RIMS1: variants seen among roughly 807,000 people sequenced by gnomAD.
The protein encoded by RIMS1 is regulating synaptic membrane exocytosis 1, also known as regulating synaptic membrane exocytosis protein 1.
In RIMS1, 83 loss-of-function variants were observed where a neutral mutation model predicts 214.1. That is an observed-to-expected ratio of 0.39 (90% CI 0.32 to 0.47). The LOEUF is 0.47. Among genes scored for constraint, RIMS1 ranks in the 20% least tolerant of loss-of-function variants. The pLI is 0.99. For missense variants in RIMS1, 2,050 were observed against 2,161.8 expected, an observed-to-expected ratio of 0.95 and a Z score of 1.03; for synonymous variants, 793 against 786.8, an observed-to-expected ratio of 1.01 and a Z score of -0.13.
intron 4 of RIMS1, among the ~76,000 whole-genome samples, chr6:72,100,586 A>G (rs990769281): frequency 1.6e-5 from 2 of 128,636 alleles, no homozygotes; most frequent in African/African-American, 2.6e-5. Context: ...CTGGGAAGAT[A>G]GGCTCCAAGT....
chr6:72,273,111 C>T, intron 22 of RIMS1, among the ~76,000 whole-genome samples: 1 of 152,172 alleles, frequency 6.6e-6, no homozygotes, highest in African/African-American at 2.4e-5. Flanking sequence ...CCAAGTTTGT[C>T]TATTTAAGAT....
chr6:71,944,269 T>G (rs1222736603), intron 1 of RIMS1, among the ~76,000 whole-genome samples: 1 of 152,218 alleles, frequency 6.6e-6, no homozygotes, highest in Non-Finnish European at 1.5e-5. Flanking sequence ...TTAAGACTTG[T>G]AAGTGAATGC....
chr6:72,262,243 T>C, intron 19 of RIMS1: 1 of 793,346 alleles, frequency 1.3e-6, no homozygotes, highest in Non-Finnish European at 1.5e-6. Flanking sequence ...ATATAATAGT[T>C]GCATCATTTT....
rs181906088 is a variant in RIMS1, at chr6:72,216,885, G to A, written c.1679-16888G>A. The A allele has an allele frequency of 7.2e-5, 78 of 1,082,686 alleles. No homozygotes were observed. In the East Asian group the frequency reaches 3.0e-3, roughly 41 times the overall value. 67.1% of individuals were successfully genotyped at this position (1,082,686 alleles called of 1,614,324 possible). Reference sequence around the variant, plus strand: ...AGCTTTAGTGTATGCTACACTGGGAGCCACTTTAGTACAGCACAGAGCACT... The same window carrying A: ...AGCTTTAGTGTATGCTACACTGGGAACCACTTTAGTACAGCACAGAGCACT... On this transcript the variant is annotated intron_variant, in intron 6 of 33. Coordinates refer to ENST00000521978, the MANE Select transcript of RIMS1 (RefSeq NM_014989.7).
At chr6:71,989,535 A>G (rs1584291715) in intron 2 of RIMS1, among the ~76,000 whole-genome samples, 1 of 152,338 alleles carries the variant, frequency 6.6e-6, no homozygotes, top group East Asian at 1.9e-4. Flanking sequence ...AATTTGTCTC[A>G]TCTCAAAGCA....
rs181283371 is a variant in RIMS1 at position 72,312,315 on chromosome 6, A to G, written c.3964-1191A>G. The stretch of plus-strand genomic sequence containing the variant: ...ACACCCATATGTTATTTTGTTTTAC[A>G]GAAGAAGTTATAGTATCTTACCTTC... On this transcript the variant is annotated intron_variant, in intron 27 of 33. Transcript: ENST00000521978. 1.4e-4 allele frequency among the ~76,000 whole-genome samples: 21 copies of G among 152,286 alleles called. 1 individual carries two copies. In the East Asian group the frequency reaches 3.7e-3, roughly 27 times the overall value.
intron 10 of RIMS1, among the ~76,000 whole-genome samples, chr6:72,242,644 C>CT: frequency 6.6e-6 from 1 of 151,880 alleles, no homozygotes; most frequent in South Asian, 2.1e-4. Context: ...AAGCTCCACA[C>CT]TTTAACAATT....
At chr6:72,367,075 A>C (rs1031742778) in intron 29 of RIMS1, among the ~76,000 whole-genome samples, 8 of 152,258 alleles carry the variant, frequency 5.3e-5, no homozygotes, top group Non-Finnish European at 1.2e-4. Flanking sequence ...AGTGGACGAA[A>C]TAATTAAAAA....
chr6:72,066,571 A>G (rs1426780135), intron 2 of RIMS1, among the ~76,000 whole-genome samples: 1 of 152,098 alleles, frequency 6.6e-6, no homozygotes, highest in Non-Finnish European at 1.5e-5. Flanking sequence ...CCTGTGCTCA[A>G]AAGCAAATTA....
chr6:72,020,877 T>C (rs1285940609), intron 2 of RIMS1, among the ~76,000 whole-genome samples: 4 of 152,196 alleles, frequency 2.6e-5, no homozygotes, highest in Non-Finnish European at 1.5e-5. Context: ...TGAGCATTCT[T>C]TTCTGAAACT....
chr6:71,898,398 T>C (rs1772535133), intron 1 of RIMS1, among the ~76,000 whole-genome samples: 1 of 152,166 alleles, frequency 6.6e-6, no homozygotes, highest in Non-Finnish European at 1.5e-5. Context: ...AAGGAAGGTA[T>C]CTTATATTAA....
intron 28 of RIMS1, among the ~76,000 whole-genome samples, chr6:72,331,655 C>G (rs1253205570): frequency 3.3e-5 from 5 of 151,746 alleles, no homozygotes; most frequent in Non-Finnish European, 7.4e-5. Flanking sequence ...GAAAGAAAGT[C>G]TCCTGGAGTT....
At chr6:72,011,088 G>A (rs191821915) in intron 2 of RIMS1, among the ~76,000 whole-genome samples, 160 of 152,264 alleles carry the variant, frequency 1.1e-3, no homozygotes, top group Non-Finnish European at 1.6e-3. Context: ...ATACTTCAAG[G>A]CTGCAGTAAC....
chr6:71,944,044 C>T (rs140223688), intron 1 of RIMS1, among the ~76,000 whole-genome samples: 80 of 152,198 alleles, frequency 5.3e-4, no homozygotes, highest in Middle Eastern at 6.8e-3. Context: ...ACATATCATG[C>T]CTACATAAAA....
chr6:72,139,034 G>T (rs566255379), intron 4 of RIMS1, among the ~76,000 whole-genome samples: 5 of 152,198 alleles, frequency 3.3e-5, no homozygotes, highest in Non-Finnish European at 7.4e-5. Flanking sequence ...AAACATAAAT[G>T]CATATAACTG....
chr6:72,106,296 A>C (rs2034726587), intron 4 of RIMS1, among the ~76,000 whole-genome samples: 1 of 152,192 alleles, frequency 6.6e-6, no homozygotes, highest in African/African-American at 2.4e-5. Context: ...AAAATCAATC[A>C]AGTTGTTTTT....
chr6:72,343,236 C>A (rs933506446), intron 29 of RIMS1, among the ~76,000 whole-genome samples: 2 of 151,724 alleles, frequency 1.3e-5, no homozygotes, highest in African/African-American at 4.8e-5. Context: ...CCATAAGATT[C>A]TTTGAGAATA....
At chr6:71,952,782 A>C (rs2151149409) in intron 1 of RIMS1, among the ~76,000 whole-genome samples, 1 of 152,262 alleles carries the variant, frequency 6.6e-6, no homozygotes, top group East Asian at 1.9e-4. Flanking sequence ...TCTGTGGGAC[A>C]GCTGGAGGGT....
At chr6:72,252,327 G>C (rs2073779178) in intron 15 of RIMS1, among the ~76,000 whole-genome samples, 1 of 151,906 alleles carries the variant, frequency 6.6e-6, no homozygotes, top group Non-Finnish European at 1.5e-5. Context: ...TTTTATAAAG[G>C]GCCCTGATGT....
Sources: gnomAD v4.1 joint callset for allele counts (sites outside exome capture counted in the v4.1 genomes callset) on GRCh38, gnomAD v4.1.1 for gene constraint, MANE v1.5 for transcripts, NCBI Gene and HGNC (gene_info 2026-07-23, HGNC 2026-07-21) for gene names.